Variants in TNR observed in about 807,000 individuals in gnomAD.
TNR encodes the protein tenascin-R.
Under a neutral mutation model 150.4 loss-of-function variants are expected in TNR, and 45 were observed. The ratio of observed to expected loss-of-function variants is 0.30; its 90% confidence interval spans 0.24 to 0.38. TNR has a LOEUF of 0.38. TNR is among the 10% of genes least tolerant of loss of function. TNR has a pLI of 1.00. For synonymous variants in TNR, 687 were observed against 678.4 expected (o/e 1.01, Z -0.20); for missense variants, 1,544 against 1,759.1 (o/e 0.88, Z 2.19).
intron 1 of TNR, among the ~76,000 whole-genome samples, chr1:175,698,992 G>T (rs535323418): frequency 2.4e-4 from 36 of 152,264 alleles, no homozygotes; most frequent in African/African-American, 6.7e-4. Flanking sequence ...CAATAGACTG[G>T]GAGTGGGCAG....
rs1162940185 is a variant in TNR at position 175,614,268 on chromosome 1, G to A, written c.-164-85899C>T. On this transcript the variant is annotated intron_variant, in intron 1 of 22. Transcript: ENST00000367674. ...AGATTATGATACCTATGTATGGTGTGGAGCAAGGTGAAGAGGGAAGCAAGG... is the reference window on the plus strand; with the variant it reads ...AGATTATGATACCTATGTATGGTGTAGAGCAAGGTGAAGAGGGAAGCAAGG... Among the ~76,000 whole-genome samples, 8 of 152,138 alleles carry A rather than the reference G, an allele frequency of 5.3e-5. No individual in the cohort carries two copies. In the East Asian group the frequency reaches 1.2e-3, roughly 22 times the overall value.
rs144798516 is a variant in TNR, at chr1:175,459,539, T to C, written c.-63-52762A>G. The stretch of plus-strand genomic sequence containing the variant: ...ACACCTTCCCCAAATTGTGACAATT[T>C]GTTAAGGCCAATGCTACAAAGAAAA... On this transcript the variant is annotated intron_variant, in intron 2 of 22. Transcript: ENST00000367674. Among the ~76,000 whole-genome samples the C allele has an allele frequency of 4.4e-3, 666 of 152,354 alleles. 3 individuals carry two copies. Among genetic ancestry groups the C allele is most frequent in the Non-Finnish European group, 7.8e-3 (528 of 68,038 alleles).
chr1:175,710,452 C>T (rs1666979592), intron 1 of TNR, among the ~76,000 whole-genome samples: 1 of 152,208 alleles, frequency 6.6e-6, no homozygotes, highest in South Asian at 2.1e-4. Context: ...AGCTCAGTGA[C>T]CTGCACTGGA....
intron 2 of TNR, among the ~76,000 whole-genome samples, chr1:175,494,784 T>C (rs1048427234): frequency 1.3e-5 from 2 of 152,246 alleles, no homozygotes; most frequent in African/African-American, 4.8e-5. Flanking sequence ...TGCTGGATTC[T>C]GGACAATGCC....
intron 1 of TNR, among the ~76,000 whole-genome samples, chr1:175,605,919 T>A (rs555366708): frequency 5.9e-5 from 9 of 152,298 alleles, no homozygotes; most frequent in African/African-American, 2.2e-4. Flanking sequence ...TGTCTATCTA[T>A]CAGAAGAGCT....
At chr1:175,493,163 T>C (rs1403823601) in intron 2 of TNR, among the ~76,000 whole-genome samples, 1 of 151,984 alleles carries the variant, frequency 6.6e-6, no homozygotes, top group Non-Finnish European at 1.5e-5. Flanking sequence ...TCCAAGATGC[T>C]CAGGGTTGCA....
intron 1 of TNR, among the ~76,000 whole-genome samples, chr1:175,562,733 T>C (rs1661480309): frequency 6.6e-6 from 1 of 152,242 alleles, no homozygotes; most frequent in Non-Finnish European, 1.5e-5. Flanking sequence ...TGAGGCAGAC[T>C]GTCTGACAAG....
chr1:175,327,225 G>C lies in TNR; in HGVS notation c.3794-2706C>G, dbSNP rs147019949. Among the ~76,000 whole-genome samples the C allele has an allele frequency of 3.9e-5, 6 of 152,140 alleles. 1 individual carries two copies. The East Asian group carries it at 1.2e-3, about 29-fold the overall frequency. On this transcript the variant is annotated intron_variant, in intron 21 of 22. Coordinates refer to ENST00000367674, the MANE Select transcript of TNR (RefSeq NM_003285.3). ...AGGCTGCCTTCCACTGTCGCAGATT[G>C]CTCCCAGTGTTGGTCTTTACATCCT...
At chr1:175,371,077 A>AAC (rs1287525204) in intron 9 of TNR, among the ~76,000 whole-genome samples, 2 of 151,584 alleles carry the variant, frequency 1.3e-5, no homozygotes, top group Non-Finnish European at 2.9e-5. Flanking sequence ...GGAAAAAAAA[A>AAC]AAAACCACAT....
chr1:175,339,789 C>A (rs1650424056), intron 18 of TNR, among the ~76,000 whole-genome samples: 1 of 152,220 alleles, frequency 6.6e-6, no homozygotes, highest in African/African-American at 2.4e-5. Flanking sequence ...GTATCCCCAA[C>A]AAAACATCTC....
chr1:175,434,209 G>A (rs1332053648), intron 2 of TNR, among the ~76,000 whole-genome samples: 1 of 152,180 alleles, frequency 6.6e-6, no homozygotes, highest in African/African-American at 2.4e-5. Flanking sequence ...CCAGAGAGCA[G>A]GCGTGAGGCA....
chr1:175,361,273 G>A (rs1239768764), intron 14 of TNR, among the ~76,000 whole-genome samples: 1 of 152,102 alleles, frequency 6.6e-6, no homozygotes, highest in African/African-American at 2.4e-5. Flanking sequence ...TTTATCTTGG[G>A]GATAGGAGGC....
chr1:175,381,346 A>G (rs780925944), intron 8 of TNR, among the ~76,000 whole-genome samples: 27 of 152,228 alleles, frequency 1.8e-4, no homozygotes, highest in Non-Finnish European at 2.4e-4. Flanking sequence ...GCTCTTCACA[A>G]CTAAAAACCC....
chr1:175,719,616 G>A (rs961236856), intron 1 of TNR, among the ~76,000 whole-genome samples: 5 of 152,202 alleles, frequency 3.3e-5, no homozygotes, highest in Non-Finnish European at 7.3e-5. Flanking sequence ...TTGTTTTGCT[G>A]TTATTCTTGC....
At position 175,320,308 on chromosome 1, in the gene TNR, G is replaced by A. The variant is rs942423638; in HGVS notation, c.*3049C>T. On this transcript the variant is annotated 3_prime_UTR_variant, in exon 23 of 23. Coordinates refer to ENST00000367674, the MANE Select transcript of TNR (RefSeq NM_003285.3). ...GAGTCAAGTTGACCATAGACCTTGG[G>A]ATGAGAGTGGGGCACAGTGTCTTTT... 6.6e-6 allele frequency: 1 copy of A among 152,296 alleles called. No homozygotes were observed. Among genetic ancestry groups the A allele is most frequent in the African/African-American group, 2.4e-5 (1 of 41,450 alleles). 9.4% of individuals were successfully genotyped at this position (152,296 alleles called of 1,614,324 possible).
In TNR at chr1:175,323,487, G is replaced by A; in HGVS notation, c.3958-11C>T. 1 of 1,613,380 alleles carries A rather than the reference G, an allele frequency of 6.2e-7. No homozygotes were observed. The highest frequency in any genetic ancestry group is 8.5e-7 in the Non-Finnish European group (1 of 1,179,596). The stretch of plus-strand genomic sequence containing the variant: ...GTACCAGTTGATGCCCTGGGCGTGA[G>A]AAAGATAAGCATGTCAGGTCATCCC... On this transcript the variant is annotated splice_polypyrimidine_tract_variant and intron_variant, in intron 22 of 22. Transcript: ENST00000367674.
intron 1 of TNR, among the ~76,000 whole-genome samples, chr1:175,545,404 A>C (rs959654135): frequency 1.1e-4 from 13 of 117,436 alleles, no homozygotes; most frequent in African/African-American, 3.6e-4. Context: ...TGTGAAAAGA[A>C]AGAAATATAT....
chr1:175,522,341 G>A (rs1358877236), intron 2 of TNR, among the ~76,000 whole-genome samples: 1 of 152,172 alleles, frequency 6.6e-6, no homozygotes, highest in Non-Finnish European at 1.5e-5. Flanking sequence ...CTCATAAGTG[G>A]GAGCTAAGCT....
chr1:175,441,145 T>A (rs950440147), intron 2 of TNR, among the ~76,000 whole-genome samples: 1 of 152,198 alleles, frequency 6.6e-6, no homozygotes, highest in Non-Finnish European at 1.5e-5. Context: ...ACAATTAACA[T>A]GATGCCTGGC....
Sources: allele counts gnomAD v4.1 joint callset (sites outside exome capture counted in the v4.1 genomes callset), GRCh38; gene constraint gnomAD v4.1.1; transcripts MANE v1.5; gene names NCBI Gene and HGNC (gene_info 2026-07-23, HGNC 2026-07-21).